Variants in CNTRL observed in about 807,000 individuals in gnomAD.
CNTRL encodes the protein 110 kDa centrosomal protein.
Under a neutral mutation model 303.7 loss-of-function variants are expected in CNTRL, and 233 were observed. That is an observed-to-expected ratio of 0.77 (90% CI 0.69 to 0.86). The LOEUF (loss-of-function observed/expected upper bound fraction) is 0.86. Ranked by LOEUF, CNTRL falls within the 40% of genes least tolerant of loss-of-function variation. CNTRL has a pLI of 0.00. For missense variants in CNTRL, 2,524 were observed against 2,650.6 expected (o/e 0.95, Z 1.05); for synonymous variants, 900 against 922.2 (o/e 0.98, Z 0.44).
intron 1 of CNTRL, among the ~76,000 whole-genome samples, chr9:121,078,040 A>C (rs1471431664): frequency 6.6e-6 from 1 of 152,228 alleles, no homozygotes; most frequent in Non-Finnish European, 1.5e-5. Flanking sequence ...ACCTAAGCAC[A>C]TGCCTCTTAG....
intron 7 of CNTRL, among the ~76,000 whole-genome samples, chr9:121,104,246 A>G (rs1176623813): frequency 6.6e-6 from 1 of 152,228 alleles, no homozygotes; most frequent in Admixed American, 6.5e-5. Context: ...GAAGCTGGAA[A>G]CCATCATTCT....
At chr9:121,117,309 A>C (rs2050020254) in intron 11 of CNTRL, among the ~76,000 whole-genome samples, 1 of 152,220 alleles carries the variant, frequency 6.6e-6, no homozygotes, top group Admixed American at 6.5e-5. Flanking sequence ...GGGGAATTAC[A>C]TAATAATCGT....
chr9:121,160,430 G>C (rs1241992270), intron 32 of CNTRL, 128 bp downstream of exon 32: 1 of 578,200 alleles, frequency 1.7e-6, no homozygotes, highest in Non-Finnish European at 2.8e-6. Context: ...AGCAAAGCAA[G>C]CAGGTTATAA....
intron 40 of CNTRL, among the ~76,000 whole-genome samples, chr9:121,172,551 G>A (rs1328621629): frequency 6.6e-6 from 1 of 152,078 alleles, no homozygotes; most frequent in Non-Finnish European, 1.5e-5. Context: ...TGAGGGGGGA[G>A]GATTGCTTGA....
At chr9:121,100,376 C>T (rs2049095222) in intron 7 of CNTRL, among the ~76,000 whole-genome samples, 1 of 152,174 alleles carries the variant, frequency 6.6e-6, no homozygotes, top group African/African-American at 2.4e-5. Flanking sequence ...TTTGTCACCA[C>T]CAGGCCTGCC....
rs748190195 is a variant in CNTRL at position 121,136,032 on chromosome 9, G to A, written c.2202+50G>A. 6.4e-6 allele frequency: 9 copies of A among 1,404,954 alleles called. No homozygotes were observed. The South Asian group carries it at 1.2e-4, about 19-fold the overall frequency. The allele number at this position is 1,404,954 out of a possible 1,614,324, so 87.0% of individuals were successfully genotyped here. A position where few individuals can be genotyped will look rare whatever the true frequency, so the allele number is the denominator to read the frequency against. On this transcript the variant is annotated intron_variant, in intron 15 of 43. Transcript: ENST00000373855. ...GCAAACTAAGGACCCTGTGCCTTAAGATATCATCCTTCTTTTATTTATGTC... is the reference window on the plus strand; with the variant it reads ...GCAAACTAAGGACCCTGTGCCTTAAAATATCATCCTTCTTTTATTTATGTC...
intron 4 of CNTRL, among the ~76,000 whole-genome samples, chr9:121,093,011 G>A (rs1694492237): frequency 6.6e-6 from 1 of 150,542 alleles, no homozygotes; most frequent in South Asian, 2.1e-4. Context: ...GTTTCACCAT[G>A]TTGGCCAGGA....
At position 121,141,422 on chromosome 9, in the gene CNTRL, A is replaced by T; in HGVS notation, c.2525A>T (p.Asp842Val). 6.2e-7 allele frequency: 1 copy of T among 1,614,030 alleles called. No homozygotes were observed. The highest frequency in any genetic ancestry group is 8.5e-7 in the Non-Finnish European group (1 of 1,179,946). The change falls in exon 18 of 44, where the codon GAT becomes GTT. Residue 842 changes from aspartate to valine, a missense_variant. Physicochemically the swap from Asp to Val is radical, Grantham distance 152. Transcript: ENST00000373855. The part of the protein sequence containing the change: ...PSDVLGKSLA[D>V]LQKQFSEILA... The stretch of plus-strand genomic sequence containing the variant: ...GATGTCTTAGGGAAAAGTCTTGCTG[A>T]TTTACAGAAACAATTCAGTGAAATT...
intron 36 of CNTRL, among the ~76,000 whole-genome samples, chr9:121,167,217 G>A (rs1190499221): frequency 1.3e-5 from 2 of 151,918 alleles, no homozygotes; most frequent in African/African-American, 4.8e-5. Flanking sequence ...AGGCTGAGAC[G>A]GGAGGATTGC....
In CNTRL at chr9:121,168,163, T is replaced by G. The variant is rs755242725; in HGVS notation, c.5912T>G (p.Leu1971Arg). The G allele has an allele frequency of 2.5e-6, 4 of 1,614,028 alleles. No individual in the cohort carries two copies. The Admixed American group carries it at 6.7e-5, about 27-fold the overall frequency. The change falls in exon 38 of 44, where the codon CTG (leucine) becomes CGG (arginine). Residue 1971 changes from leucine (L) to arginine (R), a missense_variant. Coordinates refer to ENST00000373855, the MANE Select transcript of CNTRL (RefSeq NM_007018.6). ...AAATTAGAAACCAGTAAAGTGACAC[T>G]GAAGGAGCAACAGCACCAGCTGGAA... ...ESKLETSKVT[L>R]KEQQHQLEKE...
intron 4 of CNTRL, among the ~76,000 whole-genome samples, chr9:121,091,381 A>G (rs2048563262): frequency 6.6e-6 from 1 of 152,238 alleles, no homozygotes; most frequent in Admixed American, 6.5e-5. Context: ...CAGAAATGCT[A>G]TAAAAGTATT....
At chr9:121,128,111 G>C (rs952811478) in intron 14 of CNTRL, among the ~76,000 whole-genome samples, 1 of 152,176 alleles carries the variant, frequency 6.6e-6, no homozygotes, top group Non-Finnish European at 1.5e-5. Flanking sequence ...ACACATGTGT[G>C]CATGTGTCTT....
Position 121,160,269 on chromosome 9 carries a change from G to A in CNTRL, c.5056G>A (p.Val1686Ile), listed in dbSNP as rs1416360817. Reference protein sequence around the residue: ...EIEKEEENLQVVLRQMSKHKT... With the variant: ...EIEKEEENLQIVLRQMSKHKT... ...TGAAAAAGAGGAAGAAAATCTTCAG[G>A]TTGTTTTAAGGCAGATGTCTAAACA... The change falls in exon 32 of 44, where the codon GTT becomes ATT. Residue 1686 changes from valine to isoleucine, a missense_variant. Coordinates refer to ENST00000373855, the MANE Select transcript of CNTRL (RefSeq NM_007018.6). The A allele has an allele frequency of 1.3e-6, 2 of 1,549,242 alleles. No homozygotes were observed.
chr9:121,094,094 C>T (rs780382788), intron 4 of CNTRL, among the ~76,000 whole-genome samples: 5 of 151,626 alleles, frequency 3.3e-5, no homozygotes, highest in Non-Finnish European at 7.4e-5. Flanking sequence ...TGGCCAACAG[C>T]GAGACTCGGT....
chr9:121,100,162 A>G (rs2049084435), intron 7 of CNTRL, among the ~76,000 whole-genome samples: 1 of 152,240 alleles, frequency 6.6e-6, no homozygotes, highest in South Asian at 2.1e-4. Flanking sequence ...GCAGAGAGAA[A>G]GGTCGGGTTA....
intron 7 of CNTRL, among the ~76,000 whole-genome samples, chr9:121,103,906 G>C (rs2049315622): frequency 6.6e-6 from 1 of 152,174 alleles, no homozygotes; most frequent in African/African-American, 2.4e-5. Flanking sequence ...GGAGAAATAG[G>C]AACACTTTTA....
At chr9:121,139,909 A>G (rs117439063) in intron 16 of CNTRL, among the ~76,000 whole-genome samples, 34 of 152,326 alleles carry the variant, frequency 2.2e-4, no homozygotes, top group Middle Eastern at 3.4e-3. Flanking sequence ...AGTGAAGTCA[A>G]CTTTCTAGAA....
At chr9:121,115,242 A>G (rs775243905) in intron 11 of CNTRL, 42 bp downstream of exon 11, 2 of 1,143,488 alleles carry the variant, frequency 1.7e-6, no homozygotes, top group East Asian at 2.4e-5. Flanking sequence ...GAAATGAAAA[A>G]TGAAATGTGT....
At chr9:121,081,243 A>G (rs2048128906) in intron 2 of CNTRL, among the ~76,000 whole-genome samples, 1 of 152,184 alleles carries the variant, frequency 6.6e-6, no homozygotes, top group Non-Finnish European at 1.5e-5. Flanking sequence ...TTGTGAAGTT[A>G]TATTATCTTT....
Sources: allele counts gnomAD v4.1 joint callset (sites outside exome capture counted in the v4.1 genomes callset), GRCh38; gene constraint gnomAD v4.1.1; transcripts MANE v1.5; gene names NCBI Gene and HGNC (gene_info 2026-07-23, HGNC 2026-07-21).